COPB2: variants seen among roughly 807,000 people sequenced by gnomAD.
COPB2 encodes coat protein complex I subunit beta 2, also known as coatomer subunit beta'.
Under a neutral mutation model 120.8 loss-of-function variants are expected in COPB2, and 16 were observed. The observed-to-expected ratio is 0.13, with a 90% CI of 0.09 to 0.20. The LOEUF is 0.20. Among genes scored for constraint, COPB2 ranks in the 10% least tolerant of loss-of-function variants. The pLI, the probability that COPB2 is intolerant of heterozygous loss-of-function variation, is 1.00. For missense variants in COPB2, 794 were observed against 1,076.5 expected (o/e 0.74, Z 3.67); for synonymous variants, 332 against 366.3 (o/e 0.91, Z 1.07).
At chr3:139,365,971 G>A (rs962830325) in intron 15 of COPB2, among the ~76,000 whole-genome samples, 1 of 152,108 alleles carries the variant, frequency 6.6e-6, no homozygotes, top group Non-Finnish European at 1.5e-5. Context: ...GAAAGAAGGC[G>A]AAATTCTCAT....
rs2107810400 is a variant in COPB2, at chr3:139,383,453, A to T, written c.4-18T>A. 1 of 1,528,394 alleles carries T rather than the reference A, an allele frequency of 6.5e-7. No homozygotes were observed. The highest frequency in any genetic ancestry group is 8.8e-7 in the Non-Finnish European group (1 of 1,140,402). 94.7% of individuals were successfully genotyped at this position (1,528,394 alleles called of 1,614,324 possible). ...CGCAGAGGCTAAAAAGAAACATTAA[A>T]AAAATTAAATTGCTAAGCCAAATAA... On this transcript the variant is annotated intron_variant, in intron 1 of 21. Coordinates refer to ENST00000333188, the MANE Select transcript of COPB2 (RefSeq NM_004766.3).
intron 13 of COPB2, among the ~76,000 whole-genome samples, chr3:139,367,711 CATT>C (rs1941544428): frequency 6.6e-6 from 1 of 152,072 alleles, no homozygotes; most frequent in Non-Finnish European, 1.5e-5. Flanking sequence ...TGTGAAATCT[CATT>C]GTTGGGTCAA....
In COPB2 at chr3:139,374,507, T is replaced by G; in HGVS notation, c.733A>C (p.Ile245Leu). Residue 245 changes from isoleucine to leucine, a missense_variant, in exon 7 of 22, where the codon ATC becomes CTC. By Grantham distance (5) the Ile-to-Leu change is conservative (BLOSUM62 2). Around this residue, in one of 3 missense-constraint regions of COPB2, gnomAD observed 610 missense variants for 866.7 expected, o/e 0.70. Transcript: ENST00000333188. ...AACTTACCATCTTCTGAACCTGTGA[T>G]AATGATTGGCAACTCAGGATGAAAG... is the stretch of plus-strand genomic sequence containing the variant. Reference protein sequence around the residue: ...ASFHPELPIIITGSEDGTVRI... With the variant: ...ASFHPELPIILTGSEDGTVRI... The G allele has an allele frequency of 1.2e-6, 2 of 1,614,012 alleles. No individual in the cohort carries two copies. The highest frequency in any genetic ancestry group is 8.5e-7 in the Non-Finnish European group (1 of 1,179,888).
chr3:139,366,957 C>G, intron 14 of COPB2, 58 bp downstream of exon 14: 1 of 1,572,616 alleles, frequency 6.4e-7, no homozygotes, highest in Admixed American at 1.9e-5. Flanking sequence ...AAGCCAGCAA[C>G]AGATTTTTCT....
intron 10 of COPB2, among the ~76,000 whole-genome samples, chr3:139,370,154 T>G (rs138507722): frequency 6.6e-5 from 10 of 152,314 alleles, no homozygotes; most frequent in Non-Finnish European, 1.3e-4. Flanking sequence ...AGTTACGGAT[T>G]ACATACATTT....
intron 5 of COPB2, among the ~76,000 whole-genome samples, chr3:139,376,676 G>C (rs564780690): frequency 1.3e-5 from 2 of 152,242 alleles, no homozygotes; most frequent in Non-Finnish European, 2.9e-5. Flanking sequence ...GTTTTATATA[G>C]GTGAAAGCAA....
intron 1 of COPB2, among the ~76,000 whole-genome samples, chr3:139,387,044 C>CAAAA (rs538025993): frequency 8.2e-5 from 10 of 121,292 alleles, no homozygotes; most frequent in East Asian, 2.6e-4. Flanking sequence ...ACTAAAAATA[C>CAAAA]AAAAAAAAAA....
chr3:139,366,395 A>AG (rs1165607560), intron 15 of COPB2, among the ~76,000 whole-genome samples, 173 bp downstream of exon 15: 1 of 152,192 alleles, frequency 6.6e-6, no homozygotes, highest in Non-Finnish European at 1.5e-5. Context: ...GAGAAGGAAG[A>AG]GTGTAAGAAG....
intron 9 of COPB2, 44 bp downstream of exon 9, chr3:139,373,169 C>G: frequency 6.3e-7 from 1 of 1,590,688 alleles, no homozygotes; most frequent in Non-Finnish European, 8.6e-7. Context: ...CAAACCTGTT[C>G]TAACATACAC....
Position 139,373,772 on chromosome 3 carries a change from A to G in COPB2, c.788T>C (p.Leu263Pro), listed in dbSNP as rs1286831971. 5.6e-6 allele frequency: 9 copies of G among 1,614,158 alleles called. No individual in the cohort carries two copies. Among genetic ancestry groups the G allele is most frequent in the Non-Finnish European group, 6.8e-6 (8 of 1,180,004 alleles). ...VRIWHSSTYRLESTLNYGMER... is the reference protein window; with the variant it reads ...VRIWHSSTYRPESTLNYGMER... ...CATTCCATAATTCAGTGTGCTCTCA[A>G]GCCGGTAGGTGCTTGAATGCCAAAT... Residue 263 changes from leucine (L) to proline (P), a missense_variant, in exon 8 of 22, where the codon CTT (leucine) becomes CCT (proline). Physicochemically the swap from Leu to Pro is moderately conservative, Grantham distance 98 (BLOSUM62 -3). Around this residue, in one of 3 missense-constraint regions of COPB2, gnomAD observed 610 missense variants for 866.7 expected, o/e 0.70. Coordinates refer to ENST00000333188, the MANE Select transcript of COPB2 (RefSeq NM_004766.3).
chr3:139,384,619 G>A (rs1052248273), intron 1 of COPB2, among the ~76,000 whole-genome samples: 1 of 152,124 alleles, frequency 6.6e-6, no homozygotes, highest in Non-Finnish European at 1.5e-5. Flanking sequence ...ACGATACTTC[G>A]GTATGCAGTA....
intron 21 of COPB2, 63 bp downstream of exon 21, chr3:139,358,137 C>A (rs2107794447): frequency 6.9e-7 from 1 of 1,446,462 alleles, no homozygotes; most frequent in South Asian, 1.1e-5. Flanking sequence ...CCTACGTATC[C>A]TCCAGATATT....
chr3:139,372,377 G>A (rs9859864), intron 9 of COPB2, among the ~76,000 whole-genome samples: 3 of 152,122 alleles, frequency 2.0e-5, no homozygotes, highest in South Asian at 2.1e-4. Context: ...CAGAGTCAAC[G>A]AAAATTTTCC....
rs7373302 is a variant in COPB2 at position 139,383,278 on chromosome 3, C to G, written c.141+20G>C. The G allele has an allele frequency of 1.2e-6, 2 of 1,612,584 alleles. No individual in the cohort carries two copies. The highest frequency in any genetic ancestry group is 1.7e-6 in the Non-Finnish European group (2 of 1,179,010). On this transcript the variant is annotated intron_variant, in intron 2 of 21. Transcript: ENST00000333188. ...CTCACATAGTATTTTATTTCTAATA[C>G]AGTCCTGAAAAATTCCTACCTGTGT...
chr3:139,389,574 A>G lies in COPB2; in HGVS notation c.-24T>C. ...ATGGCTGCGTCGGTCCAATCCCGGG[A>G]ACCCTCGTTTGTTACCGGCTACTCA... On this transcript the variant is annotated 5_prime_UTR_variant, in exon 1 of 22. Transcript: ENST00000333188. 1 of 1,572,700 alleles carries G rather than the reference A, an allele frequency of 6.4e-7. No individual in the cohort carries two copies. Among genetic ancestry groups the G allele is most frequent in the Non-Finnish European group, 8.7e-7 (1 of 1,151,762 alleles).
chr3:139,379,741 CA>C, intron 2 of COPB2: 1 of 343,618 alleles, frequency 2.9e-6, no homozygotes, highest in South Asian at 4.1e-5. Flanking sequence ...CTCCCTTTTC[CA>C]GCCTCACCTT....
chr3:139,372,417 T>C (rs978577921), intron 9 of COPB2, among the ~76,000 whole-genome samples: 14 of 152,210 alleles, frequency 9.2e-5, no homozygotes, highest in Admixed American at 2.6e-4. Context: ...ATCTTTAAAG[T>C]TGTTTATAAC....
Position 139,379,187 on chromosome 3 carries a change from T to A in COPB2, c.229-14A>T. 6.3e-7 allele frequency: 1 copy of A among 1,582,220 alleles called. No homozygotes were observed. Among genetic ancestry groups the A allele is most frequent in the Non-Finnish European group, 8.6e-7 (1 of 1,168,568 alleles). On this transcript the variant is annotated splice_polypyrimidine_tract_variant and intron_variant, in intron 3 of 21. Transcript: ENST00000333188. ...CTGCATGTCATCCTAGAAACAGAAATTTTAAAACCATCATCCCTGTTATCA... is the reference window on the plus strand; with the variant it reads ...CTGCATGTCATCCTAGAAACAGAAAATTTAAAACCATCATCCCTGTTATCA...
In COPB2 at chr3:139,366,424, A is replaced by G. The variant is rs372483555; in HGVS notation, c.1884+144T>C. The G allele has an allele frequency of 1.8e-3, 1,223 of 688,632 alleles. 20 individuals carry two copies. In the South Asian group the frequency reaches 0.022, roughly 12 times the overall value. 42.7% of individuals were successfully genotyped at this position (688,632 alleles called of 1,614,324 possible). The stretch of plus-strand genomic sequence containing the variant: ...TAAGAAGGGTGTATCATGTGCTGTA[A>G]TAAGTGCCTTAAACTCACAGGAGAA... On this transcript the variant is annotated intron_variant, in intron 15 of 21. Coordinates refer to ENST00000333188, the MANE Select transcript of COPB2 (RefSeq NM_004766.3).
Sources: allele counts gnomAD v4.1 joint callset (sites outside exome capture counted in the v4.1 genomes callset), GRCh38; gene constraint gnomAD v4.1.1; regional missense constraint gnomAD v4.1.1; transcripts MANE v1.5; gene names NCBI Gene and HGNC (gene_info 2026-07-23, HGNC 2026-07-21).